KCNH8: variants seen among roughly 807,000 people sequenced by gnomAD.
KCNH8 encodes voltage-gated delayed rectifier potassium channel KCNH8.
In KCNH8, 70 loss-of-function variants were observed where a neutral mutation model predicts 103.6. The ratio of observed to expected loss-of-function variants is 0.68; its 90% CI spans 0.56 to 0.82. KCNH8 has a LOEUF of 0.82. Among genes scored for constraint, KCNH8 ranks in the 40% least tolerant of loss-of-function variants. The probability of loss-of-function intolerance (pLI) is 0.00; values close to 1 mark genes in which losing one functional copy is unlikely to be tolerated. For synonymous variants in KCNH8, 498 were observed against 489.4 expected (o/e 1.02, Z -0.23); for missense variants, 1,217 against 1,329.9 (o/e 0.92, Z 1.32).
At chr3:19,286,062 A>G (rs2064828004) in intron 3 of KCNH8, among the ~76,000 whole-genome samples, 2 of 152,212 alleles carry the variant, frequency 1.3e-5, no homozygotes, top group South Asian at 4.1e-4. Context: ...TGTTCATAAG[A>G]AAAGTCATGA....
Position 19,299,646 on chromosome 3 carries a change from A to T in KCNH8, c.442+18317A>T, listed in dbSNP as rs192780118. On this transcript the variant is annotated intron_variant, in intron 3 of 15. Transcript: ENST00000328405. ...CACTTGTATCCCTGAACTTAAAAAA[A>T]AATAAAACAAAAATAAAAATAAAAA... Among the ~76,000 whole-genome samples the T allele has an allele frequency of 6.0e-4, 92 of 152,096 alleles. 1 individual carries two copies. Among genetic ancestry groups the T allele is most frequent in the African/African-American group, 1.9e-3 (80 of 41,456 alleles).
intron 2 of KCNH8, among the ~76,000 whole-genome samples, chr3:19,271,522 A>G (rs1302364026): frequency 4.6e-5 from 7 of 152,182 alleles, no homozygotes; most frequent in African/African-American, 2.4e-5. Flanking sequence ...TAACTTTAAG[A>G]TATATTAAAA....
intron 11 of KCNH8, among the ~76,000 whole-genome samples, chr3:19,479,891 T>C (rs1396994699): frequency 6.6e-6 from 1 of 152,210 alleles, no homozygotes; most frequent in African/African-American, 2.4e-5. Context: ...TGGGAACACA[T>C]GTTCCTCCAA....
intron 5 of KCNH8, among the ~76,000 whole-genome samples, chr3:19,371,673 G>A (rs1208078988): frequency 6.6e-6 from 1 of 151,046 alleles, no homozygotes; most frequent in Admixed American, 6.6e-5. Context: ...TTGTAGACAT[G>A]AAGTCCTTGC....
chr3:19,410,683 A>G (rs1218153013), intron 7 of KCNH8, among the ~76,000 whole-genome samples: 1 of 152,026 alleles, frequency 6.6e-6, no homozygotes, highest in Non-Finnish European at 1.5e-5. Context: ...CCAAATAAGT[A>G]CAATAAGAAA....
intron 8 of KCNH8, among the ~76,000 whole-genome samples, chr3:19,443,064 CAAAT>C (rs1320886713): frequency 2.6e-5 from 4 of 151,462 alleles, no homozygotes; most frequent in African/African-American, 9.7e-5. Flanking sequence ...TAAATATAAA[CAAAT>C]AATTTATTTT....
intron 1 of KCNH8, among the ~76,000 whole-genome samples, chr3:19,181,913 C>T (rs905052195): frequency 6.6e-6 from 1 of 151,996 alleles, no homozygotes; most frequent in South Asian, 2.1e-4. Flanking sequence ...ATCCTTTTTT[C>T]ACATACAAAC....
chr3:19,218,699 A>T (rs1419033615), intron 1 of KCNH8, among the ~76,000 whole-genome samples: 1 of 152,222 alleles, frequency 6.6e-6, no homozygotes, highest in Non-Finnish European at 1.5e-5. Context: ...TCATGGTTCC[A>T]GAAGCTGAAG....
intron 1 of KCNH8, among the ~76,000 whole-genome samples, chr3:19,155,822 C>T (rs1415137486): frequency 2.0e-5 from 3 of 152,206 alleles, no homozygotes; most frequent in Non-Finnish European, 2.9e-5. Flanking sequence ...TTCCTCTAAT[C>T]AGCTTTTATA....
intron 1 of KCNH8, among the ~76,000 whole-genome samples, chr3:19,172,131 G>C (rs2125194758): frequency 6.6e-6 from 1 of 152,174 alleles, no homozygotes; most frequent in Non-Finnish European, 1.5e-5. Flanking sequence ...TACCTTCCTG[G>C]GTTGTACAAG....
At chr3:19,383,148 A>G (rs2066310056) in intron 5 of KCNH8, among the ~76,000 whole-genome samples, 1 of 152,168 alleles carries the variant, frequency 6.6e-6, no homozygotes, top group South Asian at 2.1e-4. Flanking sequence ...GAGCCATAAT[A>G]TTTGGTAAAC....
At chr3:19,461,590 G>A (rs997040237) in intron 11 of KCNH8, among the ~76,000 whole-genome samples, 1 of 152,102 alleles carries the variant, frequency 6.6e-6, no homozygotes, top group Non-Finnish European at 1.5e-5. Flanking sequence ...TTGCAAAATG[G>A]AAATGTACAC....
intron 5 of KCNH8, among the ~76,000 whole-genome samples, chr3:19,355,195 A>G (rs1341748090): frequency 1.3e-5 from 2 of 152,210 alleles, no homozygotes; most frequent in Admixed American, 6.5e-5. Flanking sequence ...ACCATCTCAC[A>G]CCAGTTAGAA....
chr3:19,450,118 C>A lies in KCNH8; in HGVS notation c.1388C>A (p.Ala463Asp), dbSNP rs756537561. 1 of 1,613,394 alleles carries A rather than the reference C, an allele frequency of 6.2e-7. No homozygotes were observed. Among genetic ancestry groups the A allele is most frequent in the South Asian group, 1.1e-5 (1 of 91,070 alleles). The change falls in exon 9 of 16, where the codon GCC becomes GAC. Residue 463 changes from alanine (A) to aspartate (D), a missense_variant. Ala to Asp is a moderately radical substitution (Grantham distance 126). This residue lies in a region of KCNH8 where 415 missense variants were observed against 577.4 expected (regional missense o/e 0.72). Coordinates refer to ENST00000328405, the MANE Select transcript of KCNH8 (RefSeq NM_144633.3). ...TTGTTCTTTCTAGCCTTGATGCACG[C>A]CTTGGTGTTTGGAAACGTGACAGCA... ...CTMLIGALMHALVFGNVTAII... is the reference protein window; with the variant it reads ...CTMLIGALMHDLVFGNVTAII...
At chr3:19,242,625 C>T (rs1451931511) in intron 1 of KCNH8, among the ~76,000 whole-genome samples, 1 of 152,154 alleles carries the variant, frequency 6.6e-6, no homozygotes, top group Non-Finnish European at 1.5e-5. Flanking sequence ...TATCCCCCTT[C>T]CCACACTGGA....
chr3:19,358,295 C>A (rs922317160), intron 5 of KCNH8, among the ~76,000 whole-genome samples: 6 of 149,792 alleles, frequency 4.0e-5, no homozygotes, highest in Admixed American at 2.0e-4. Context: ...TCCTCCCTTC[C>A]TTCCTCTCCC....
chr3:19,223,751 C>G (rs2063900270), intron 1 of KCNH8, among the ~76,000 whole-genome samples: 1 of 152,130 alleles, frequency 6.6e-6, no homozygotes, highest in Non-Finnish European at 1.5e-5. Context: ...CCTCTAACTT[C>G]TAGGCCAGTT....
At chr3:19,520,877 TTCATAA>T (rs1270869826) in intron 15 of KCNH8, among the ~76,000 whole-genome samples, 2 of 151,982 alleles carry the variant, frequency 1.3e-5, no homozygotes, top group African/African-American at 4.8e-5. Context: ...GTGTGTACAT[TTCATAA>T]TCATAATCTG....
intron 11 of KCNH8, among the ~76,000 whole-genome samples, chr3:19,480,500 T>A (rs1309537863): frequency 6.6e-6 from 1 of 152,204 alleles, no homozygotes; most frequent in African/African-American, 2.4e-5. Context: ...TATTAGGAAC[T>A]TTTACCATTG....
Sources: allele counts gnomAD v4.1 joint callset (sites outside exome capture counted in the v4.1 genomes callset), GRCh38; gene constraint gnomAD v4.1.1; regional missense constraint gnomAD v4.1.1; transcripts MANE v1.5; gene names NCBI Gene and HGNC (gene_info 2026-07-23, HGNC 2026-07-21).